The following AAK1 variants were observed in gnomAD, a reference collection of about 807,000 sequenced individuals.
AAK1 encodes AP2 associated kinase 1.
A neutral mutation model predicts 116.0 loss-of-function variants in AAK1; 37 were observed. The ratio of observed to expected loss-of-function variants is 0.32; its 90% confidence interval spans 0.25 to 0.42. The LOEUF (loss-of-function observed/expected upper bound fraction) is 0.42, where lower values mean the gene tolerates loss of function less well. AAK1 is among the 10% of genes least tolerant of loss of function. The probability of loss-of-function intolerance (pLI) is 1.00; values close to 1 mark genes in which losing one functional copy is unlikely to be tolerated. For synonymous variants in AAK1, 458 were observed against 439.9 expected (o/e 1.04, Z -0.51); for missense variants, 919 against 1,170.6 (o/e 0.79, Z 3.14).
intron 14 of AAK1, 78 bp from the exon 15 acceptor site, chr2:69,507,656 G>T: frequency 6.4e-6 from 8 of 1,243,688 alleles, no homozygotes; most frequent in South Asian, 5.7e-5. Flanking sequence ...TATTTTCTCT[G>T]TTTCAGAATC....
intron 9 of AAK1, 69 bp downstream of exon 9, chr2:69,527,147 T>G: frequency 8.8e-7 from 1 of 1,137,792 alleles, no homozygotes; most frequent in East Asian, 2.6e-5. Context: ...AACAGCTGAT[T>G]AACACCCCAG....
intron 2 of AAK1, among the ~76,000 whole-genome samples, chr2:69,605,579 G>A (rs1673765000): frequency 6.6e-6 from 1 of 152,074 alleles, no homozygotes; most frequent in African/African-American, 2.4e-5. Context: ...ACTGACATTG[G>A]CACAATCCAC....
chr2:69,601,895 A>G (rs1673596751), intron 2 of AAK1, among the ~76,000 whole-genome samples: 1 of 152,240 alleles, frequency 6.6e-6, no homozygotes, highest in Admixed American at 6.5e-5. Flanking sequence ...AGTGAAAAAT[A>G]GTAACTTAAC....
Position 69,473,095 on chromosome 2 carries a change from CA to C in AAK1, c.*2773del. The C allele has an allele frequency of 2.2e-6, 2 of 919,124 alleles. No individual in the cohort carries two copies. Among genetic ancestry groups the C allele is most frequent in the Non-Finnish European group, 2.6e-6 (2 of 769,394 alleles). The allele number at this position is 919,124 out of a possible 1,614,324, so 56.9% of individuals were successfully genotyped here. A position where few individuals can be genotyped will look rare whatever the true frequency, so the allele number is the denominator to read the frequency against. On this transcript the variant is annotated 3_prime_UTR_variant, in exon 22 of 22. Transcript: ENST00000409085. ...CTATAATCTTAAAGACCATCTAGTCCAAACCCATCGTATAACTCTAAGGAAC... is the reference window on the plus strand; with the variant it reads ...CTATAATCTTAAAGACCATCTAGTCCAACCCATCGTATAACTCTAAGGAAC...
intron 12 of AAK1, among the ~76,000 whole-genome samples, chr2:69,515,088 C>T (rs1035199846): frequency 3.3e-5 from 5 of 152,132 alleles, no homozygotes; most frequent in African/African-American, 7.2e-5. Context: ...AGCTAATAAA[C>T]GATCTCCTAA....
intron 14 of AAK1, among the ~76,000 whole-genome samples, chr2:69,508,450 T>C (rs1238928108): frequency 2.0e-5 from 3 of 152,218 alleles, no homozygotes; most frequent in Non-Finnish European, 2.9e-5. Flanking sequence ...TGTATGGTTC[T>C]AAGACAGTTA....
At chr2:69,572,220 G>A (rs1340247392) in intron 2 of AAK1, among the ~76,000 whole-genome samples, 1 of 152,184 alleles carries the variant, frequency 6.6e-6, no homozygotes, top group Non-Finnish European at 1.5e-5. Context: ...CAGAATTACT[G>A]ATTTTTTCTT....
intron 2 of AAK1, among the ~76,000 whole-genome samples, chr2:69,606,593 A>C (rs1458930258): frequency 1.3e-5 from 2 of 152,228 alleles, no homozygotes; most frequent in Admixed American, 1.3e-4. Context: ...CCGCTGAATG[A>C]CACTAGAAGC....
At chr2:69,602,886 A>C (rs1219288007) in intron 2 of AAK1, among the ~76,000 whole-genome samples, 2 of 152,258 alleles carry the variant, frequency 1.3e-5, no homozygotes, top group Non-Finnish European at 2.9e-5. Context: ...GGAGCAAGTT[A>C]AGTACAGCCC....
intron 17 of AAK1, among the ~76,000 whole-genome samples, chr2:69,489,425 T>A: frequency 7.5e-6 from 1 of 134,112 alleles, no homozygotes; most frequent in East Asian, 2.3e-4. Flanking sequence ...CACTCCAGAC[T>A]GGGCGACAGA....
intron 5 of AAK1, among the ~76,000 whole-genome samples, chr2:69,537,919 T>C (rs1670543188): frequency 6.6e-6 from 1 of 152,280 alleles, no homozygotes; most frequent in South Asian, 2.1e-4. Flanking sequence ...GGTCCCTATA[T>C]CCAAGGTAAA....
chr2:69,622,645 A>G (rs915677556), intron 2 of AAK1, among the ~76,000 whole-genome samples: 2 of 152,102 alleles, frequency 1.3e-5, no homozygotes, highest in South Asian at 2.1e-4. Flanking sequence ...GAATGCATCA[A>G]TGGCACTCTG....
At chr2:69,554,090 A>G (rs1671295184) in intron 3 of AAK1, among the ~76,000 whole-genome samples, 1 of 151,934 alleles carries the variant, frequency 6.6e-6, no homozygotes, top group South Asian at 2.1e-4. Flanking sequence ...AAAAAAAAAA[A>G]GATACTGGAG....
At chr2:69,618,707 T>G (rs1367064836) in intron 2 of AAK1, among the ~76,000 whole-genome samples, 1 of 151,996 alleles carries the variant, frequency 6.6e-6, no homozygotes, top group East Asian at 1.9e-4. Flanking sequence ...CCACTGCAAC[T>G]CCTACCATCT....
chr2:69,474,686 A>G lies in AAK1; in HGVS notation c.*1183T>C. The G allele has an allele frequency of 2.0e-6, 2 of 985,842 alleles. No individual in the cohort carries two copies. Among genetic ancestry groups the G allele is most frequent in the Non-Finnish European group, 2.4e-6 (2 of 829,932 alleles). 61.1% of individuals were successfully genotyped at this position (985,842 alleles called of 1,614,324 possible). A position where few individuals can be genotyped will look rare whatever the true frequency, so the allele number is the denominator to read the frequency against. ...CACACTTATTTCTGATTATCTGAAA[A>G]TAAACAACATGCTTATTCTAGAGAC... On this transcript the variant is annotated 3_prime_UTR_variant, in exon 22 of 22. Transcript: ENST00000409085.
rs766744050 is a variant in AAK1 at position 69,527,222 on chromosome 2, A to C, written c.969T>G (p.Asn323Lys). ...KLLKKECPIPNVQNSPIPAKL... is the reference protein window; with the variant it reads ...KLLKKECPIPKVQNSPIPAKL... Reference sequence around the variant, plus strand: ...AATAGCACCATTCACGTACCTGTACATTTGGAATTGGGCACTCTTTCTTGA... The same window carrying C: ...AATAGCACCATTCACGTACCTGTACCTTTGGAATTGGGCACTCTTTCTTGA... The change falls in exon 9 of 22, where the codon AAT becomes AAG. Residue 323 changes from asparagine (N) to lysine (K), a missense_variant. Around this residue, in one of 4 missense-constraint regions of AAK1, gnomAD observed 317 missense variants for 490.4 expected, o/e 0.65. Coordinates refer to ENST00000409085, the MANE Select transcript of AAK1 (RefSeq NM_014911.5). 6.3e-7 allele frequency: 1 copy of C among 1,598,254 alleles called. No individual in the cohort carries two copies. The highest frequency in any genetic ancestry group is 2.2e-5 in the East Asian group (1 of 44,724).
At position 69,470,750 on chromosome 2, in the gene AAK1, G is replaced by C; in HGVS notation, c.*5119C>G. On this transcript the variant is annotated 3_prime_UTR_variant, in exon 22 of 22. Transcript: ENST00000409085. ...CTAAAACAGGGGTTTTACTCTCTCA[G>C]GTAGCCATGATTCATTAATATGTCC... 1 of 985,678 alleles carries C rather than the reference G, an allele frequency of 1.0e-6. No homozygotes were observed. The highest frequency in any genetic ancestry group is 1.2e-6 in the Non-Finnish European group (1 of 829,932). 61.1% of individuals were successfully genotyped at this position (985,678 alleles called of 1,614,324 possible).
At chr2:69,525,522 C>A (rs111904678) in intron 9 of AAK1, among the ~76,000 whole-genome samples, 1 of 152,142 alleles carries the variant, frequency 6.6e-6, no homozygotes, top group African/African-American at 2.4e-5. Context: ...GATCTTCGTT[C>A]GAGCTTATCA....
Position 69,514,643 on chromosome 2 carries a change from T to C in AAK1, c.1604A>G (p.Gln535Arg), listed in dbSNP as rs1308350369. 1.2e-6 allele frequency: 2 copies of C among 1,611,670 alleles called. No homozygotes were observed. The highest frequency in any genetic ancestry group is 1.7e-6 in the Non-Finnish European group (2 of 1,179,118). The change falls in exon 13 of 22, where the codon CAG becomes CGG. Residue 535 changes from glutamine (Q) to arginine (R), a missense_variant. Physicochemically the swap from Gln to Arg is conservative, Grantham distance 43. This residue lies in a region of AAK1 where 214 missense variants were observed against 210.6 expected (regional missense o/e 1.02). Transcript: ENST00000409085. ...TTGCTGTTGTTGTTGCTGCTGCTGC[T>C]GCTGCTGGTAGAAATTCTGCATTAG... ...QQLMQNFYQQ[Q>R]QQQQQQQQQQ...
Sources: gnomAD v4.1 joint callset for allele counts (sites outside exome capture counted in the v4.1 genomes callset) on GRCh38, gnomAD v4.1.1 for gene constraint, gnomAD v4.1.1 regional missense constraint, MANE v1.5 for transcripts, NCBI Gene and HGNC (gene_info 2026-07-23, HGNC 2026-07-21) for gene names.